Variants in CLSTN2 observed in about 807,000 individuals in gnomAD.
CLSTN2 encodes calsyntenin 2.
In CLSTN2, 48 loss-of-function variants were observed where a neutral mutation model predicts 101.2. The observed-to-expected ratio is 0.47, with a 90% CI of 0.38 to 0.60. CLSTN2 has a LOEUF of 0.60. Among genes scored for constraint, CLSTN2 ranks in the 20% least tolerant of loss-of-function variants. CLSTN2 has a pLI of 0.00. For synonymous variants in CLSTN2, 481 were observed against 463.6 expected, an observed-to-expected ratio of 1.04 and a Z score of -0.48; for missense variants, 1,160 against 1,238.2, an observed-to-expected ratio of 0.94 and a Z score of 0.95.
chr3:140,029,027 A>G (rs930770626), intron 1 of CLSTN2, among the ~76,000 whole-genome samples: 32 of 152,204 alleles, frequency 2.1e-4, no homozygotes, highest in African/African-American at 7.2e-4. Context: ...ACTAGCATGG[A>G]GTAGGTTATG....
chr3:140,280,960 G>A (rs2086840028), intron 2 of CLSTN2, among the ~76,000 whole-genome samples: 1 of 152,192 alleles, frequency 6.6e-6, no homozygotes, highest in African/African-American at 2.4e-5. Flanking sequence ...TATTGAGAAG[G>A]ATTTGAGGTA....
chr3:140,297,645 A>G (rs2087016352), intron 2 of CLSTN2, among the ~76,000 whole-genome samples: 2 of 152,224 alleles, frequency 1.3e-5, no homozygotes, highest in South Asian at 2.1e-4. Context: ...CTCACAGGCC[A>G]TATAAAAATG....
At chr3:140,222,028 T>C (rs1476236670) in intron 2 of CLSTN2, among the ~76,000 whole-genome samples, 1 of 151,936 alleles carries the variant, frequency 6.6e-6, no homozygotes, top group Non-Finnish European at 1.5e-5. Flanking sequence ...CCATATTTAT[T>C]GTGGTGCTAT....
chr3:140,225,212 C>A (rs2086307858), intron 2 of CLSTN2, among the ~76,000 whole-genome samples: 1 of 152,184 alleles, frequency 6.6e-6, no homozygotes. Context: ...CCCTGCTATC[C>A]CTGTAAAGAA....
chr3:140,089,971 CTTTTTTTTTTTTT>C (rs58418539), intron 1 of CLSTN2, among the ~76,000 whole-genome samples: 7 of 49,648 alleles, frequency 1.4e-4, no homozygotes, highest in African/African-American at 4.9e-4. Context: ...CTAGGATTGG[CTTTTTTTTTTTTT>C]TTTTTTTTTT....
chr3:140,410,281 T>C (rs1031772443), intron 4 of CLSTN2, among the ~76,000 whole-genome samples: 4 of 152,018 alleles, frequency 2.6e-5, no homozygotes, highest in African/African-American at 9.6e-5. Flanking sequence ...ACACAGCGAA[T>C]TTTGAAAGCA....
intron 5 of CLSTN2, among the ~76,000 whole-genome samples, chr3:140,438,307 C>T (rs1450614157): frequency 6.6e-6 from 1 of 151,694 alleles, no homozygotes; most frequent in East Asian, 1.9e-4. Flanking sequence ...GTGTATTCAA[C>T]AGACTCTGGA....
At chr3:140,490,794 G>A (rs540231110) in intron 8 of CLSTN2, among the ~76,000 whole-genome samples, 152 of 152,154 alleles carry the variant, frequency 1.0e-3, no homozygotes, top group African/African-American at 3.4e-3. Flanking sequence ...CAAAGGTCTC[G>A]CAGCCTAGCC....
At chr3:140,453,064 A>T (rs1933289013) in intron 6 of CLSTN2, among the ~76,000 whole-genome samples, 2 of 152,248 alleles carry the variant, frequency 1.3e-5, no homozygotes, top group Admixed American at 1.3e-4. Flanking sequence ...CATTAACAAC[A>T]GCCCAAGAAA....
At chr3:140,528,703 C>T (rs1393614623) in intron 8 of CLSTN2, among the ~76,000 whole-genome samples, 3 of 151,854 alleles carry the variant, frequency 2.0e-5, no homozygotes, top group Non-Finnish European at 4.4e-5. Flanking sequence ...TTATTACTTG[C>T]CATCTATTCC....
intron 1 of CLSTN2, among the ~76,000 whole-genome samples, chr3:140,112,313 T>C (rs976419840): frequency 6.6e-6 from 1 of 152,058 alleles, no homozygotes; most frequent in Non-Finnish European, 1.5e-5. Context: ...AAATTGTAGA[T>C]GAAATGAGGT....
At chr3:139,984,256 C>T (rs546869770) in intron 1 of CLSTN2, among the ~76,000 whole-genome samples, 1 of 152,274 alleles carries the variant, frequency 6.6e-6, no homozygotes, top group African/African-American at 2.4e-5. Context: ...AAACTATTCT[C>T]CAGGATGATC....
intron 8 of CLSTN2, among the ~76,000 whole-genome samples, chr3:140,526,684 T>G (rs529206249): frequency 5.4e-4 from 80 of 149,170 alleles, no homozygotes; most frequent in African/African-American, 1.9e-3. Flanking sequence ...GACTTCAAAT[T>G]ATACCATAAG....
At chr3:139,996,196 A>G (rs2006655204) in intron 1 of CLSTN2, among the ~76,000 whole-genome samples, 1 of 151,288 alleles carries the variant, frequency 6.6e-6, no homozygotes, top group Admixed American at 6.7e-5. Flanking sequence ...GAACATTATA[A>G]AAACTGTCTT....
chr3:140,395,625 A>C (rs2088173011), intron 2 of CLSTN2, among the ~76,000 whole-genome samples: 1 of 152,218 alleles, frequency 6.6e-6, no homozygotes, highest in South Asian at 2.1e-4. Flanking sequence ...TAAGTGTTTC[A>C]TCTGAAGTGG....
At chr3:140,028,437 T>G (rs1048982456) in intron 1 of CLSTN2, among the ~76,000 whole-genome samples, 1 of 152,106 alleles carries the variant, frequency 6.6e-6, no homozygotes, top group Non-Finnish European at 1.5e-5. Flanking sequence ...TGTGAACTCT[T>G]GACACCAGGG....
At chr3:140,290,524 G>A (rs1226452598) in intron 2 of CLSTN2, among the ~76,000 whole-genome samples, 1 of 152,162 alleles carries the variant, frequency 6.6e-6, no homozygotes, top group Admixed American at 6.5e-5. Context: ...TGAGGAAAAG[G>A]AGGAGGTAGG....
At chr3:140,483,550 C>G (rs1480637811) in intron 8 of CLSTN2, among the ~76,000 whole-genome samples, 22 of 151,458 alleles carry the variant, frequency 1.5e-4, no homozygotes, top group Non-Finnish European at 2.5e-4. Flanking sequence ...GGGTGTTAAA[C>G]TCTCCCATTA....
intron 2 of CLSTN2, among the ~76,000 whole-genome samples, chr3:140,391,351 G>T (rs1305102088): frequency 1.8e-5 from 2 of 112,618 alleles, no homozygotes; most frequent in Non-Finnish European, 1.6e-5. Context: ...ACTGTCTAGA[G>T]CCCTTCACTA....
Sources: gnomAD v4.1 joint callset for allele counts (sites outside exome capture counted in the v4.1 genomes callset) on GRCh38, gnomAD v4.1.1 for gene constraint, MANE v1.5 for transcripts, NCBI Gene and HGNC (gene_info 2026-07-23, HGNC 2026-07-21) for gene names.